CA10: variants seen among roughly 807,000 people sequenced by gnomAD.
CA10 encodes the protein carbonic anhydrase-related protein 10.
A neutral mutation model predicts 44.2 loss-of-function variants in CA10; 14 were observed. The ratio of observed to expected loss-of-function variants is 0.32; its 90% CI spans 0.21 to 0.50. The LOEUF is 0.50. CA10 is among the 20% of genes least tolerant of loss of function. CA10 has a pLI of 0.99. For missense variants in CA10, 350 were observed against 409.7 expected (o/e 0.85, Z 1.26); for synonymous variants, 159 against 141.6 (o/e 1.12, Z -0.87).
chr17:51,865,076 C>T (rs771367775), intron 3 of CA10, among the ~76,000 whole-genome samples: 2 of 152,058 alleles, frequency 1.3e-5, no homozygotes, highest in Non-Finnish European at 2.9e-5. Context: ...CCTCTGAGGT[C>T]CTTTAATTCA....
At chr17:51,633,701 A>G in intron 7 of CA10, 51 bp from the exon 8 acceptor site, 2 of 1,585,732 alleles carry the variant, frequency 1.3e-6, no homozygotes, top group South Asian at 1.1e-5. Flanking sequence ...TAAATGCACT[A>G]GGGAAGAAAT....
chr17:51,847,080 G>GA (rs1299929665), intron 3 of CA10, among the ~76,000 whole-genome samples: 1 of 152,152 alleles, frequency 6.6e-6, no homozygotes, highest in East Asian at 1.9e-4. Context: ...GACAGCTAGG[G>GA]AATCTCTGGA....
chr17:51,743,534 A>G (rs1904546220), intron 4 of CA10, among the ~76,000 whole-genome samples: 1 of 152,256 alleles, frequency 6.6e-6, no homozygotes, highest in South Asian at 2.1e-4. Flanking sequence ...ATAAAAATGC[A>G]GTTGCTGACT....
At chr17:52,107,395 CT>C (rs1162174837) in intron 1 of CA10, among the ~76,000 whole-genome samples, 1 of 152,054 alleles carries the variant, frequency 6.6e-6, no homozygotes, top group Non-Finnish European at 1.5e-5. Context: ...AAGATAATTC[CT>C]CTTAAAACCC....
intron 1 of CA10, among the ~76,000 whole-genome samples, chr17:52,091,103 G>GA (rs1988252791): frequency 1.3e-5 from 2 of 151,846 alleles, no homozygotes; most frequent in South Asian, 2.1e-4. Flanking sequence ...AATACTATCT[G>GA]AAAAAAATCA....
chr17:52,026,285 G>A (rs568768453), intron 2 of CA10, among the ~76,000 whole-genome samples: 20 of 152,220 alleles, frequency 1.3e-4, no homozygotes, highest in South Asian at 1.2e-3. Context: ...GTAAAATTAC[G>A]TAAGCCTCAA....
chr17:51,927,683 A>C (rs1293133627), intron 3 of CA10, among the ~76,000 whole-genome samples: 1 of 152,206 alleles, frequency 6.6e-6, no homozygotes, highest in Non-Finnish European at 1.5e-5. Flanking sequence ...AAGACATGAA[A>C]GGTGAACATT....
At chr17:51,662,258 G>C (rs1914035370) in intron 4 of CA10, among the ~76,000 whole-genome samples, 1 of 152,162 alleles carries the variant, frequency 6.6e-6, no homozygotes, top group Admixed American at 6.5e-5. Flanking sequence ...TCAACGTATA[G>C]GTCCCAAATG....
intron 3 of CA10, among the ~76,000 whole-genome samples, chr17:51,761,098 T>C (rs1905205787): frequency 1.3e-5 from 2 of 152,174 alleles, no homozygotes; most frequent in Non-Finnish European, 2.9e-5. Flanking sequence ...AACACAGCTA[T>C]ATTAAGGAGT....
At chr17:52,092,708 CAAAAT>C (rs977995014) in intron 1 of CA10, among the ~76,000 whole-genome samples, 19 of 152,132 alleles carry the variant, frequency 1.2e-4, no homozygotes, top group Non-Finnish European at 1.6e-4. Context: ...ATTCCTGAGA[CAAAAT>C]AAATGTATCC....
At chr17:51,834,729 C>T (rs773266134) in intron 3 of CA10, among the ~76,000 whole-genome samples, 2 of 152,170 alleles carry the variant, frequency 1.3e-5, no homozygotes, top group Non-Finnish European at 1.5e-5. Flanking sequence ...AGTCCTTGAG[C>T]ACGTTGTTGA....
At chr17:52,084,076 G>A (rs1988053957) in intron 1 of CA10, among the ~76,000 whole-genome samples, 1 of 152,136 alleles carries the variant, frequency 6.6e-6, no homozygotes, top group South Asian at 2.1e-4. Flanking sequence ...TGCCATTTGT[G>A]AGTCAAAGTA....
chr17:51,707,668 AAT>A (rs201982893), intron 4 of CA10, among the ~76,000 whole-genome samples: 4 of 36,514 alleles, frequency 1.1e-4, no homozygotes, highest in Admixed American at 2.4e-4. Flanking sequence ...AAAGTGGATG[AAT>A]ATGTGTGTGT....
chr17:51,884,708 G>A (rs2143895147), intron 3 of CA10, among the ~76,000 whole-genome samples: 1 of 152,294 alleles, frequency 6.6e-6, no homozygotes, highest in Middle Eastern at 3.4e-3. Context: ...CAAACTGGGA[G>A]GCTTAGCACG....
intron 5 of CA10, among the ~76,000 whole-genome samples, chr17:51,651,620 C>G (rs2106327): frequency 0.97 from 147,402 of 152,312 alleles, 71,423 homozygotes; most frequent in Non-Finnish European, 0.99. Context: ...TGCTAGTCAC[C>G]AGCTCGGTAG....
chr17:51,781,685 T>C (rs908474702), intron 3 of CA10, among the ~76,000 whole-genome samples: 21 of 152,322 alleles, frequency 1.4e-4, no homozygotes, highest in African/African-American at 4.6e-4. Flanking sequence ...TTTGTATCTG[T>C]TTCTCTGTCT....
intron 2 of CA10, among the ~76,000 whole-genome samples, chr17:51,941,597 C>T (rs200145559): frequency 6.6e-6 from 1 of 152,148 alleles, no homozygotes; most frequent in Non-Finnish European, 1.5e-5. Flanking sequence ...AACGACCAGG[C>T]TGATGCCTCT....
chr17:52,102,195 A>G (rs1988555792), intron 1 of CA10, among the ~76,000 whole-genome samples: 1 of 152,096 alleles, frequency 6.6e-6, no homozygotes. Context: ...CAACCTAAAC[A>G]CCAAGATTCT....
At chr17:51,723,805 C>G (rs1465856140) in intron 4 of CA10, among the ~76,000 whole-genome samples, 1 of 152,220 alleles carries the variant, frequency 6.6e-6, no homozygotes, top group Non-Finnish European at 1.5e-5. Context: ...TTTTTCCCCT[C>G]TGCCCTCTTT....
Sources: allele counts gnomAD v4.1 joint callset (sites outside exome capture counted in the v4.1 genomes callset), GRCh38; gene constraint gnomAD v4.1.1; transcripts MANE v1.5; gene names NCBI Gene and HGNC (gene_info 2026-07-23, HGNC 2026-07-21).